The following RBM20 variants were observed in gnomAD, a reference collection of about 807,000 sequenced individuals.
RBM20 encodes RNA-binding protein 20.
In RBM20, 51 loss-of-function variants were observed where a neutral mutation model predicts 110.1. The ratio of observed to expected loss-of-function variants is 0.46; its 90% CI spans 0.37 to 0.59. The LOEUF is 0.59. Among genes scored for constraint, RBM20 ranks in the 20% least tolerant of loss-of-function variants. The pLI, the probability that RBM20 is intolerant of heterozygous loss-of-function variation, is 0.00. For synonymous variants in RBM20, 589 were observed against 618.2 expected, an observed-to-expected ratio of 0.95 and a Z score of 0.70; for missense variants, 1,512 against 1,574.9, an observed-to-expected ratio of 0.96 and a Z score of 0.68.
chr10:110,809,582 G>A (rs1844739270), intron 7 of RBM20, among the ~76,000 whole-genome samples: 1 of 152,124 alleles, frequency 6.6e-6, no homozygotes, highest in African/African-American at 2.4e-5. Flanking sequence ...GCTGGGGTTG[G>A]TCCTGTCCTG....
At chr10:110,776,211 T>TG (rs1844261888) in intron 1 of RBM20, among the ~76,000 whole-genome samples, 1 of 152,140 alleles carries the variant, frequency 6.6e-6, no homozygotes, top group Non-Finnish European at 1.5e-5. Flanking sequence ...GTCTGTACTC[T>TG]GGGGGGATCA....
At chr10:110,727,412 TAAA>T (rs753041080) in intron 1 of RBM20, among the ~76,000 whole-genome samples, 1 of 68,918 alleles carries the variant, frequency 1.5e-5, no homozygotes, top group South Asian at 7.5e-4. Flanking sequence ...AAAATAAAAA[TAAA>T]AAAAAAATAA....
At chr10:110,670,885 T>C (rs1411125740) in intron 1 of RBM20, among the ~76,000 whole-genome samples, 1 of 152,246 alleles carries the variant, frequency 6.6e-6, no homozygotes, top group Non-Finnish European at 1.5e-5. Flanking sequence ...CTTTTATTTT[T>C]GGTCATGTGC....
At position 110,781,276 on chromosome 10, in the gene RBM20, C is replaced by G. The variant is rs1394222373; in HGVS notation, c.667C>G (p.Pro223Ala). The change falls in exon 2 of 14, where the codon CCA becomes GCA. Residue 223 changes from proline to alanine, a missense_variant. Physicochemically the swap from Pro to Ala is conservative, Grantham distance 27 (BLOSUM62 -1). Transcript: ENST00000369519. ...ILGIGKTGPA[P>A]ATAGFYEYGK... is the part of the protein sequence containing the mutation. Reference sequence around the variant, plus strand: ...GGGCATTGGCAAGACTGGGCCTGCTCCAGCTACAGCAGGATTCTATGAGTA... The same window carrying G: ...GGGCATTGGCAAGACTGGGCCTGCTGCAGCTACAGCAGGATTCTATGAGTA... 6.4e-7 allele frequency: 1 copy of G among 1,551,690 alleles called. No individual in the cohort carries two copies. Among genetic ancestry groups the G allele is most frequent in the Non-Finnish European group, 8.7e-7 (1 of 1,146,990 alleles).
chr10:110,833,473 G>A (rs1018147376), intron 13 of RBM20, among the ~76,000 whole-genome samples: 1 of 151,640 alleles, frequency 6.6e-6, no homozygotes, highest in African/African-American at 2.4e-5. Context: ...GGGCCTGAGA[G>A]TCTGTATTGT....
chr10:110,780,941 CCAA>C lies in RBM20; in HGVS notation c.338_340del (p.Asn113del). ...CTGAAGCTGGCACAGACAGCTGTCACCAACAACACTGCAGCCGCCACAGTCCTG... is the reference window on the plus strand; with the variant it reads ...CTGAAGCTGGCACAGACAGCTGTCACCAACACTGCAGCCGCCACAGTCCTG... On this transcript the variant is annotated inframe_deletion, in exon 2 of 14. Transcript: ENST00000369519. 6.4e-7 allele frequency: 1 copy of C among 1,551,724 alleles called. No homozygotes were observed. Among genetic ancestry groups the C allele is most frequent in the Non-Finnish European group, 8.7e-7 (1 of 1,146,998 alleles).
intron 1 of RBM20, among the ~76,000 whole-genome samples, chr10:110,657,468 A>G (rs141664953): frequency 3.8e-4 from 58 of 152,054 alleles, no homozygotes; most frequent in African/African-American, 1.4e-3. Flanking sequence ...AGGAATGTCT[A>G]CTCAAATCTA....
chr10:110,750,279 G>T (rs1843835888), intron 1 of RBM20, among the ~76,000 whole-genome samples: 2 of 152,206 alleles, frequency 1.3e-5, no homozygotes, highest in Admixed American at 6.5e-5. Flanking sequence ...AACTATCGTT[G>T]TATAGGGGGA....
At position 110,738,514 on chromosome 10, in the gene RBM20, C is replaced by A. The variant is rs533582495; in HGVS notation, c.192-42287C>A. 4.6e-5 allele frequency among the ~76,000 whole-genome samples: 7 copies of A among 152,254 alleles called. No homozygotes were observed. In the East Asian group the frequency reaches 1.4e-3, roughly 29 times the overall value. On this transcript the variant is annotated intron_variant, in intron 1 of 13. Coordinates refer to ENST00000369519, the MANE Select transcript of RBM20 (RefSeq NM_001134363.3). Reference sequence around the variant, plus strand: ...TCAGGCTGTTTCTCACGGCCCGAACCCCCCGTGGAATGTTTCACTTTGACC... The same window carrying A: ...TCAGGCTGTTTCTCACGGCCCGAACACCCCGTGGAATGTTTCACTTTGACC...
Position 110,687,996 on chromosome 10 carries a change from TG to T in RBM20, c.191+43352del, listed in dbSNP as rs1305572693. On this transcript the variant is annotated intron_variant, in intron 1 of 13. Coordinates refer to ENST00000369519, the MANE Select transcript of RBM20 (RefSeq NM_001134363.3). ...CATGAGTGCTACTCCTAAATGGTTT[TG>T]TGTGTGTGTGTGTGTGTGTGTGTGT... 0.014 allele frequency among the ~76,000 whole-genome samples: 47 copies of T among 3,452 alleles called. No homozygotes were observed. The South Asian group carries it at 0.32, about 23-fold the overall frequency. 2.3% of individuals were successfully genotyped at this position (3,452 alleles called of 152,430 possible).
chr10:110,743,565 A>G (rs1843745013), intron 1 of RBM20, among the ~76,000 whole-genome samples: 1 of 152,086 alleles, frequency 6.6e-6, no homozygotes, highest in African/African-American at 2.4e-5. Context: ...CACACAACAT[A>G]CACAGAGGCA....
chr10:110,695,024 C>A (rs1044793058), intron 1 of RBM20, among the ~76,000 whole-genome samples: 1 of 152,098 alleles, frequency 6.6e-6, no homozygotes, highest in African/African-American at 2.4e-5. Flanking sequence ...ATTGACAGGG[C>A]AAAACTGAAT....
At chr10:110,783,483 G>A in intron 3 of RBM20, 56 bp downstream of exon 3, 2 of 1,339,750 alleles carry the variant, frequency 1.5e-6, no homozygotes, top group African/African-American at 1.5e-5. Flanking sequence ...TATTCACTGA[G>A]CATTTACTGT....
At chr10:110,693,991 T>C (rs185257824) in intron 1 of RBM20, among the ~76,000 whole-genome samples, 43 of 152,304 alleles carry the variant, frequency 2.8e-4, no homozygotes, top group African/African-American at 7.5e-4. Context: ...AATTTCTCCA[T>C]TTTCTTATCA....
intron 1 of RBM20, among the ~76,000 whole-genome samples, chr10:110,759,233 C>T (rs1424035455): frequency 6.6e-6 from 1 of 152,152 alleles, no homozygotes; most frequent in African/African-American, 2.4e-5. Context: ...AGGCTGGAAC[C>T]CCTACCATGG....
At chr10:110,689,371 T>G (rs1335248016) in intron 1 of RBM20, among the ~76,000 whole-genome samples, 1 of 152,264 alleles carries the variant, frequency 6.6e-6, no homozygotes, top group Non-Finnish European at 1.5e-5. Flanking sequence ...AGTAAACACA[T>G]GCACAAACAG....
Position 110,820,154 on chromosome 10 carries a change from C to T in RBM20, c.2633C>T (p.Pro878Leu), listed in dbSNP as rs368291152. Residue 878 changes from proline (P) to leucine (L), a missense_variant, in exon 10 of 14, where the codon CCG becomes CTG. Transcript: ENST00000369519. ...GAGAAAGAAGCAGAGTTCTCTGATC[C>T]GGAAAACACAAGGACAAAGAAGGTA... The part of the protein sequence containing the change: ...RQEKEAEFSD[P>L]ENTRTKKEQD... The T allele has an allele frequency of 8.4e-6, 13 of 1,550,978 alleles. No homozygotes were observed. In the Middle Eastern group the frequency reaches 6.7e-4, roughly 80 times the overall value.
At chr10:110,728,970 T>A (rs1365727639) in intron 1 of RBM20, among the ~76,000 whole-genome samples, 1 of 152,216 alleles carries the variant, frequency 6.6e-6, no homozygotes, top group Non-Finnish European at 1.5e-5. Flanking sequence ...CAGAATTTCT[T>A]CACTGCTCCC....
At chr10:110,765,957 G>A (rs1353369837) in intron 1 of RBM20, among the ~76,000 whole-genome samples, 2 of 152,104 alleles carry the variant, frequency 1.3e-5, no homozygotes, top group Non-Finnish European at 2.9e-5. Flanking sequence ...GATTTTTGTG[G>A]AATTTGATAT....
Sources: gnomAD v4.1 joint callset for allele counts (sites outside exome capture counted in the v4.1 genomes callset) on GRCh38, gnomAD v4.1.1 for gene constraint, MANE v1.5 for transcripts, NCBI Gene and HGNC (gene_info 2026-07-23, HGNC 2026-07-21) for gene names.